The following SLA variants were observed in gnomAD, a reference collection of about 807,000 sequenced individuals.
The protein encoded by SLA is src-like-adapter.
Under a neutral mutation model 30.3 loss-of-function variants are expected in SLA, and 16 were observed. The observed-to-expected ratio is 0.53, with a 90% CI of 0.36 to 0.80. SLA has a LOEUF of 0.80. Ranked by LOEUF, SLA falls within the 30% of genes least tolerant of loss-of-function variation. The pLI is 0.01. For missense variants in SLA, 310 were observed against 345.2 expected (o/e 0.90, Z 0.81); for synonymous variants, 143 against 137.8 (o/e 1.04, Z -0.26).
intron 1 of SLA, among the ~76,000 whole-genome samples, chr8:133,098,340 C>T (rs951124503): frequency 6.6e-6 from 1 of 152,170 alleles, no homozygotes; most frequent in South Asian, 2.1e-4. Context: ...TTTATTGAAT[C>T]AAAAGAATGT....
chr8:133,039,954 C>CACACACACACACACACAA (rs1564102595), intron 8 of SLA, 44 bp downstream of exon 8: 2 of 819,656 alleles, frequency 2.4e-6, no homozygotes, highest in East Asian at 3.9e-5. Flanking sequence ...CACTTGCATG[C>CACACACACACACACACAA]ACACACACAC....
At chr8:133,044,852 C>G in intron 7 of SLA, 132 bp downstream of exon 7, 1 of 848,950 alleles carries the variant, frequency 1.2e-6, no homozygotes, top group East Asian at 2.5e-5. Flanking sequence ...TCTGAATTAA[C>G]GAGAGAGCAT....
intron 7 of SLA, among the ~76,000 whole-genome samples, chr8:133,043,510 T>C (rs1838721087): frequency 6.6e-6 from 1 of 152,238 alleles, no homozygotes; most frequent in South Asian, 2.1e-4. Flanking sequence ...ATCTGCTATG[T>C]GACAGGCTAT....
chr8:133,038,822 A>G, intron 8 of SLA, 85 bp from the exon 9 acceptor site: 1 of 808,074 alleles, frequency 1.2e-6, no homozygotes, highest in Non-Finnish European at 2.0e-6. Context: ...AGAGAATGAG[A>G]ACAGGAGGAA....
intron 3 of SLA, among the ~76,000 whole-genome samples, chr8:133,054,713 A>G (rs1032883487): frequency 6.6e-6 from 1 of 152,264 alleles, no homozygotes; most frequent in Non-Finnish European, 1.5e-5. Flanking sequence ...GATGAAATTC[A>G]AAAGACCAAA....
chr8:133,050,561 C>T (rs2131219907), intron 4 of SLA: 1 of 414,956 alleles, frequency 2.4e-6, no homozygotes. Flanking sequence ...TGAGAAGAGG[C>T]TGGATCATAA....
chr8:133,045,194 TG>T, intron 6 of SLA, 79 bp from the exon 7 acceptor site: 1 of 1,525,994 alleles, frequency 6.6e-7, no homozygotes, highest in Non-Finnish European at 9.0e-7. Flanking sequence ...CCACCACCAC[TG>T]AGGCAGGGAG....
chr8:133,067,666 C>T lies in SLA; in HGVS notation c.-41+7187G>A, dbSNP rs943707234. On this transcript the variant is annotated intron_variant, in intron 2 of 8. Transcript: ENST00000338087. ...TGGCAGCTTCCTGTAATCCCAGTTA[C>T]TCAGGAGGCTGAGGCAGGAGAATCA... Among the ~76,000 whole-genome samples, 12 of 152,138 alleles carry T rather than the reference C, an allele frequency of 7.9e-5. No individual in the cohort carries two copies. In the South Asian group the frequency reaches 1.5e-3, roughly 18 times the overall value.
In SLA at chr8:133,096,190, G is replaced by T. The variant is rs1186448546; in HGVS notation, c.-319+6363C>A. The T allele has an allele frequency of 1.2e-6, 2 of 1,614,164 alleles. No individual in the cohort carries two copies. Among genetic ancestry groups the T allele is most frequent in the Admixed American group, 3.3e-5 (2 of 60,026 alleles). ...GATTATTCCAGGACAACTGATTATT[G>T]TTGCATCCAATGCAGCTCCTGGCCG... On this transcript the variant is annotated intron_variant, in intron 1 of 8. Coordinates refer to ENST00000338087, the MANE Select transcript of SLA (RefSeq NM_001045556.3).
intron 2 of SLA, among the ~76,000 whole-genome samples, chr8:133,073,693 A>G (rs1844425678): frequency 6.6e-6 from 1 of 152,086 alleles, no homozygotes; most frequent in African/African-American, 2.4e-5. Flanking sequence ...CAATTTAAAG[A>G]CTATGGGGTG....
intron 5 of SLA, chr8:133,048,513 G>A (rs1177034670): frequency 6.4e-6 from 1 of 155,136 alleles, no homozygotes; most frequent in Non-Finnish European, 1.4e-5. Context: ...GAGCTACCGT[G>A]CTCAGCCCTG....
At chr8:133,078,075 C>A (rs1237965540) in intron 1 of SLA, among the ~76,000 whole-genome samples, 1 of 152,150 alleles carries the variant, frequency 6.6e-6, no homozygotes, top group Non-Finnish European at 1.5e-5. Context: ...CTCTGCAGCA[C>A]GTCTGCCTGT....
intron 3 of SLA, chr8:133,059,189 A>G (rs1208929605): frequency 2.2e-6 from 1 of 453,398 alleles, no homozygotes; most frequent in Non-Finnish European, 4.4e-6. Context: ...ATGTGTGGTC[A>G]CCCCTGCGAG....
chr8:133,072,701 T>G (rs1442404819), intron 2 of SLA, among the ~76,000 whole-genome samples: 2 of 152,212 alleles, frequency 1.3e-5, no homozygotes, highest in Non-Finnish European at 2.9e-5. Flanking sequence ...ATTTCTGTCT[T>G]TAAAAAGGCT....
rs1844631596 is a variant in SLA at position 133,074,894 on chromosome 8, A to C, written c.-82T>G. 2 of 985,538 alleles carry C rather than the reference A, an allele frequency of 2.0e-6. No homozygotes were observed. Among genetic ancestry groups the C allele is most frequent in the African/African-American group, 1.7e-5 (1 of 57,376 alleles). 61.0% of individuals were successfully genotyped at this position (985,538 alleles called of 1,614,324 possible). A position where few individuals can be genotyped will look rare whatever the true frequency, so the allele number is the denominator to read the frequency against. Reference sequence around the variant, plus strand: ...TGACTCCTGTGGGAGCTGTCTGCAGAGGGATTGCTGGGTGCAGAGTCACTG... The same window carrying C: ...TGACTCCTGTGGGAGCTGTCTGCAGCGGGATTGCTGGGTGCAGAGTCACTG... On this transcript the variant is annotated 5_prime_UTR_variant, in exon 2 of 9. Coordinates refer to ENST00000338087, the MANE Select transcript of SLA (RefSeq NM_001045556.3).
rs769460627 is a variant in SLA at position 133,096,389 on chromosome 8, G to T, written c.-319+6164C>A. The T allele has an allele frequency of 1.4e-5, 22 of 1,613,922 alleles. No individual in the cohort carries two copies. The Middle Eastern group carries it at 4.9e-4, about 36-fold the overall frequency. On this transcript the variant is annotated intron_variant, in intron 1 of 8. Transcript: ENST00000338087. ...GGCTGTGAAGGTAAGCAGGGAGGGG[G>T]CCTCGGATGTCTCCAGCTGGGCATT...
intron 1 of SLA, among the ~76,000 whole-genome samples, chr8:133,080,005 T>A (rs1329234084): frequency 2.0e-5 from 3 of 151,940 alleles, no homozygotes; most frequent in Non-Finnish European, 4.4e-5. Context: ...ACCCCTTCAA[T>A]GTGTTAGGCA....
chr8:133,089,828 C>G (rs1034785432), intron 1 of SLA, among the ~76,000 whole-genome samples: 2 of 152,310 alleles, frequency 1.3e-5, no homozygotes, highest in Non-Finnish European at 1.5e-5. Context: ...CCCACTCCCC[C>G]TCGGAATGGT....
chr8:133,053,441 T>C (rs1411047524), intron 3 of SLA, among the ~76,000 whole-genome samples: 1 of 152,136 alleles, frequency 6.6e-6, no homozygotes, highest in Non-Finnish European at 1.5e-5. Flanking sequence ...GCCCCTTAAA[T>C]ACAGCTGTCA....
Sources: gnomAD v4.1 joint callset for allele counts (sites outside exome capture counted in the v4.1 genomes callset) on GRCh38, gnomAD v4.1.1 for gene constraint, MANE v1.5 for transcripts, NCBI Gene and HGNC (gene_info 2026-07-23, HGNC 2026-07-21) for gene names.